Variants in SIRPG observed in about 807,000 individuals in gnomAD.
SIRPG encodes the protein signal-regulatory protein gamma.
Under a neutral mutation model 35.7 loss-of-function variants are expected in SIRPG, and 38 were observed. The observed-to-expected ratio is 1.06, with a 90% CI of 0.82 to 1.40. SIRPG has a LOEUF of 1.40. SIRPG is among the 40% of genes most tolerant of loss of function. The probability of loss-of-function intolerance (pLI) is 0.00; values close to 1 mark genes in which losing one functional copy is unlikely to be tolerated. For missense variants in SIRPG, 519 were observed against 483.0 expected (o/e 1.07, Z -0.70); for synonymous variants, 215 against 190.4 (o/e 1.13, Z -1.06).
chr20:1,666,612 C>G, the SIRPG span: 76 of 152,264 alleles, frequency 5.0e-4, no homozygotes, highest in African/African-American at 1.8e-3. Context: ...TGCACTCCAG[C>G]CTGGGCAACA....
chr20:1,641,542 C>A (rs908019820), intron 2 of SIRPG, among the ~76,000 whole-genome samples: 1 of 151,888 alleles, frequency 6.6e-6, no homozygotes, highest in Admixed American at 6.6e-5. Flanking sequence ...TTAATTTCTT[C>A]AAAAAACCAG....
chr20:1,668,079 A>G, the SIRPG span, among the ~76,000 whole-genome samples: 10 of 152,272 alleles, frequency 6.6e-5, no homozygotes, highest in Non-Finnish European at 1.3e-4. Context: ...AATACTTCTG[A>G]AAATATATCT....
chr20:1,644,594 T>C (rs1301400112), intron 2 of SIRPG, among the ~76,000 whole-genome samples: 1 of 149,006 alleles, frequency 6.7e-6, no homozygotes, highest in African/African-American at 2.5e-5. Flanking sequence ...CCCCTTCCCC[T>C]GGGAGCTCAG....
chr20:1,679,353 C>T, the SIRPG span, among the ~76,000 whole-genome samples: 1 of 152,194 alleles, frequency 6.6e-6, no homozygotes, highest in Non-Finnish European at 1.5e-5. Flanking sequence ...TACCAAATGA[C>T]CAGGTACAGC....
At chr20:1,662,279 T>C (rs2091998098), upstream of SIRPG, among the ~76,000 whole-genome samples, 1 of 152,206 alleles carries the variant, frequency 6.6e-6, no homozygotes, top group East Asian at 1.9e-4. Context: ...AGGCTCAGTG[T>C]GGGCCAGTCT....
the SIRPG span, among the ~76,000 whole-genome samples, chr20:1,681,580 C>T: frequency 6.6e-6 from 1 of 152,130 alleles, no homozygotes; most frequent in East Asian, 1.9e-4. Context: ...GCCTGTAATC[C>T]CAGTACTTTG....
intron 2 of SIRPG, among the ~76,000 whole-genome samples, chr20:1,644,093 C>A (rs964831284): frequency 1.3e-5 from 2 of 152,194 alleles, no homozygotes; most frequent in African/African-American, 4.8e-5. Flanking sequence ...TTTGACTGTC[C>A]CTTGGTGGAG....
the SIRPG span, among the ~76,000 whole-genome samples, chr20:1,672,600 T>C: frequency 6.6e-6 from 1 of 152,200 alleles, no homozygotes; most frequent in Non-Finnish European, 1.5e-5. Context: ...CAAAACCAAC[T>C]TTTTTGAAAA....
the SIRPG span, among the ~76,000 whole-genome samples, chr20:1,667,877 A>G: frequency 6.6e-6 from 1 of 152,214 alleles, no homozygotes; most frequent in Non-Finnish European, 1.5e-5. Flanking sequence ...CTTTGCTTTA[A>G]TCAGCTCAAT....
chr20:1,648,101 T>G (rs2091910661), intron 2 of SIRPG: 1 of 152,190 alleles, frequency 6.6e-6, no homozygotes, highest in Admixed American at 6.5e-5. Context: ...GCTGAAAGTC[T>G]GAAGGTCTTT....
chr20:1,685,343 C>A, the SIRPG span, among the ~76,000 whole-genome samples: 1 of 152,122 alleles, frequency 6.6e-6, no homozygotes, highest in Non-Finnish European at 1.5e-5. Context: ...GAGACAGGGT[C>A]TTTAAGAAGC....
chr20:1,640,623 T>A (rs1037669874), intron 2 of SIRPG, among the ~76,000 whole-genome samples: 2 of 152,210 alleles, frequency 1.3e-5, no homozygotes, highest in African/African-American at 2.4e-5. Context: ...CTGATTGCTC[T>A]GGACAGAACT....
chr20:1,683,061 A>T, the SIRPG span, among the ~76,000 whole-genome samples: 2 of 152,212 alleles, frequency 1.3e-5, no homozygotes, highest in African/African-American at 4.8e-5. Flanking sequence ...TAAGGCAACA[A>T]CTCACTCAAT....
chr20:1,649,834 C>A (rs925113008), intron 1 of SIRPG, among the ~76,000 whole-genome samples: 2 of 150,118 alleles, frequency 1.3e-5, no homozygotes, highest in South Asian at 4.2e-4. Context: ...CAGGTCACAC[C>A]ATTCTGCTCA....
At chr20:1,661,263 C>T (rs1225785307), upstream of SIRPG, among the ~76,000 whole-genome samples, 1 of 152,124 alleles carries the variant, frequency 6.6e-6, no homozygotes, top group Non-Finnish European at 1.5e-5. Context: ...GTCATGTGCC[C>T]AGCCCTAGAA....
rs375442919 is a variant in SIRPG at position 1,657,694 on chromosome 20, C to T, written c.21G>A (p.Trp7Ter). The change falls in exon 1 of 6, where the codon TGG becomes TGA. Residue 7 changes from tryptophan to a stop codon, truncating the protein, a stop_gained. Coordinates refer to ENST00000303415, the MANE Select transcript of SIRPG (RefSeq NM_018556.4). LOFTEE classifies it high-confidence loss of function. MPVPASWPHPPGPFLLL... is the reference protein window; with the variant it reads MPVPAS Reference sequence around the variant, plus strand: ...GCAGGAAAGGACCAGGAGGATGGGGCCAGGAGGCTGGGACAGGCATTTTGG... The same window carrying T: ...GCAGGAAAGGACCAGGAGGATGGGGTCAGGAGGCTGGGACAGGCATTTTGG... 7.4e-6 allele frequency: 12 copies of T among 1,614,126 alleles called. No individual in the cohort carries two copies. The highest frequency in any genetic ancestry group is 1.0e-5 in the Non-Finnish European group (12 of 1,180,000).
Position 1,630,303 on chromosome 20 carries a change from G to C in SIRPG, c.1085C>G (p.Pro362Arg), listed in dbSNP as rs777894070. Residue 362 changes from proline (P) to arginine (R), a missense_variant, in exon 5 of 6, where the codon CCG (proline) becomes CGG (arginine). Transcript: ENST00000303415. ...GAGCAGCGCAGTAAGGGATGATGCCGGGCCTGGAAATCAGGGAAGACGAGG... is the reference window on the plus strand; with the variant it reads ...GAGCAGCGCAGTAAGGGATGATGCCCGGCCTGGAAATCAGGGAAGACGAGG... ...KDQSSDATPGPASSLTALLLI... is the reference protein window; with the variant it reads ...KDQSSDATPGRASSLTALLLI... 1.2e-5 allele frequency: 19 copies of C among 1,559,204 alleles called. No homozygotes were observed. The highest frequency in any genetic ancestry group is 1.9e-5 in the Admixed American group (1 of 52,052).
At chr20:1,678,347 G>A in the SIRPG span, among the ~76,000 whole-genome samples, 1 of 152,058 alleles carries the variant, frequency 6.6e-6, no homozygotes, top group African/African-American at 2.4e-5. Context: ...AATAATTCAG[G>A]ATTATGATAC....
intron 1 of SIRPG, among the ~76,000 whole-genome samples, chr20:1,653,531 C>G (rs2091955621): frequency 6.6e-6 from 1 of 152,148 alleles, no homozygotes; most frequent in African/African-American, 2.4e-5. Context: ...GTAATATAGG[C>G]AGACCTGTGT....
Sources: gnomAD v4.1 joint callset for allele counts (sites outside exome capture counted in the v4.1 genomes callset) on GRCh38, gnomAD v4.1.1 for gene constraint, MANE v1.5 for transcripts, NCBI Gene and HGNC (gene_info 2026-07-23, HGNC 2026-07-21) for gene names.